The following CDH8 variants were observed in gnomAD, a reference collection of about 807,000 sequenced individuals.
CDH8 encodes cadherin 8.
Under a neutral mutation model 68.1 loss-of-function variants are expected in CDH8, and 17 were observed. The observed-to-expected ratio is 0.25, with a 90% CI of 0.17 to 0.37. The LOEUF is 0.37. CDH8 is among the 10% of genes least tolerant of loss of function. CDH8 has a pLI of 1.00. For missense variants in CDH8, 763 were observed against 999.3 expected, an observed-to-expected ratio of 0.76 and a Z score of 3.19; for synonymous variants, 372 against 365.1, an observed-to-expected ratio of 1.02 and a Z score of -0.21.
intron 8 of CDH8, among the ~76,000 whole-genome samples, chr16:61,735,484 C>A (rs1175335218): frequency 1.3e-5 from 2 of 152,004 alleles, no homozygotes; most frequent in Non-Finnish European, 2.9e-5. Context: ...TCGATAAATG[C>A]CTTTTGTCAT....
intron 7 of CDH8, among the ~76,000 whole-genome samples, chr16:61,794,110 T>A (rs893486122): frequency 4.6e-5 from 7 of 152,062 alleles, no homozygotes; most frequent in African/African-American, 1.7e-4. Context: ...AGCCAGAGAA[T>A]AAAAGCTTCC....
intron 2 of CDH8, among the ~76,000 whole-genome samples, chr16:61,988,710 G>A (rs1237848632): frequency 9.2e-5 from 14 of 152,166 alleles, no homozygotes; most frequent in Admixed American, 9.2e-4. Flanking sequence ...TTATAACACA[G>A]TTGGATGGGA....
At chr16:61,692,453 C>A (rs971280582) in intron 10 of CDH8, 1 of 152,106 alleles carries the variant, frequency 6.6e-6, no homozygotes, top group African/African-American at 2.4e-5. Flanking sequence ...TTTGCTGAGA[C>A]TGCTGGAGCT....
chr16:61,654,382 A>G (rs1038922379), intron 11 of CDH8, among the ~76,000 whole-genome samples: 1 of 152,176 alleles, frequency 6.6e-6, no homozygotes, highest in Non-Finnish European at 1.5e-5. Context: ...TTATGCTTTT[A>G]TGATCATTAG....
At chr16:62,011,927 C>T (rs932769457) in intron 2 of CDH8, among the ~76,000 whole-genome samples, 1 of 152,192 alleles carries the variant, frequency 6.6e-6, no homozygotes, top group Non-Finnish European at 1.5e-5. Flanking sequence ...GATTTTTGTG[C>T]ACAAGGCTGC....
chr16:61,876,021 C>T (rs1963452078), intron 3 of CDH8, among the ~76,000 whole-genome samples: 1 of 152,136 alleles, frequency 6.6e-6, no homozygotes, highest in Middle Eastern at 3.4e-3. Context: ...AGACTACAGG[C>T]ACCCGCCACC....
In CDH8 at chr16:61,768,398, T is replaced by TCTCTC. The variant is rs1960684849; in HGVS notation, c.1414+20947_1414+20948insGAGAG. Among the ~76,000 whole-genome samples, 31 of 35,218 alleles carry TCTCTC rather than the reference T, an allele frequency of 8.8e-4. 1 individual carries two copies. Among genetic ancestry groups the TCTCTC allele is most frequent in the Admixed American group, 1.1e-3 (3 of 2,676 alleles). The allele number at this position is 35,218 out of a possible 152,430, so 23.1% of individuals were successfully genotyped here. ...TCTCTCTCTCTCTCTCTCTCTCCCT[T>TCTCTC]TCTCTCTCTCTCTCTCTCTCTCTCT... is the stretch of plus-strand genomic sequence containing the variant. On this transcript the variant is annotated intron_variant, in intron 8 of 11. Coordinates refer to ENST00000577390, the MANE Select transcript of CDH8 (RefSeq NM_001796.5).
In CDH8 at chr16:61,821,237, A is replaced by T. The variant is rs374868582; in HGVS notation, c.836-124T>A. 131 of 599,244 alleles carry T rather than the reference A, an allele frequency of 2.2e-4. No homozygotes were observed. In the South Asian group the frequency reaches 3.7e-3, roughly 17 times the overall value. The allele number at this position is 599,244 out of a possible 1,614,324, so 37.1% of individuals were successfully genotyped here. ...TCCTATAGATGCTACCAATAAAGTG[A>T]TAGAAAAGACAGAAATATCCGTTTC... is the stretch of plus-strand genomic sequence containing the variant. On this transcript the variant is annotated intron_variant, in intron 5 of 11. Coordinates refer to ENST00000577390, the MANE Select transcript of CDH8 (RefSeq NM_001796.5).
chr16:61,877,998 T>A (rs898968314), intron 3 of CDH8, among the ~76,000 whole-genome samples: 1 of 152,184 alleles, frequency 6.6e-6, no homozygotes, highest in Non-Finnish European at 1.5e-5. Context: ...AAATCACTCC[T>A]GCAAATACCA....
At chr16:61,942,966 G>A (rs765852452) in intron 2 of CDH8, among the ~76,000 whole-genome samples, 55 of 152,232 alleles carry the variant, frequency 3.6e-4, no homozygotes, top group Non-Finnish European at 6.6e-4. Context: ...AAGCTTAGGT[G>A]GGAAGATCGC....
intron 2 of CDH8, among the ~76,000 whole-genome samples, chr16:61,983,022 A>G (rs71387005): frequency 6.6e-6 from 1 of 152,228 alleles, no homozygotes; most frequent in East Asian, 1.9e-4. Context: ...ACTAAATAAT[A>G]CAAATAATAC....
In CDH8 at chr16:61,649,542, T is replaced by C. The variant is rs963825902; in HGVS notation, c.*4066A>G. 6.6e-6 allele frequency: 1 copy of C among 151,966 alleles called. No individual in the cohort carries two copies. Among genetic ancestry groups the C allele is most frequent in the African/African-American group, 2.4e-5 (1 of 41,406 alleles). 9.4% of individuals were successfully genotyped at this position (151,966 alleles called of 1,614,324 possible). On this transcript the variant is annotated 3_prime_UTR_variant, in exon 12 of 12. Coordinates refer to ENST00000577390, the MANE Select transcript of CDH8 (RefSeq NM_001796.5). ...TAGTGATGCCCGCTGTTACCTTATC[T>C]TTTTGACTGACAATGATAGGATTTC...
chr16:61,657,756 TGTG>T (rs1245353620), intron 10 of CDH8, among the ~76,000 whole-genome samples: 1 of 152,114 alleles, frequency 6.6e-6, no homozygotes, highest in Non-Finnish European at 1.5e-5. Context: ...ATTGTCTTTT[TGTG>T]GTTGACATTT....
Position 61,652,516 on chromosome 16 carries a change from G to A in CDH8, c.*1092C>T. On this transcript the variant is annotated 3_prime_UTR_variant, in exon 12 of 12. Transcript: ENST00000577390. ...GTTTGTCTGGGAAGATGCTGTTCCT[G>A]CCATCTCCAGTTACAATAACACTTT... 1 of 1,011,114 alleles carries A rather than the reference G, an allele frequency of 9.9e-7. No individual in the cohort carries two copies. Among genetic ancestry groups the A allele is most frequent in the Non-Finnish European group, 1.2e-6 (1 of 847,202 alleles). The allele number at this position is 1,011,114 out of a possible 1,614,324, so 62.6% of individuals were successfully genotyped here.
intron 2 of CDH8, among the ~76,000 whole-genome samples, chr16:61,916,063 C>A (rs1166925162): frequency 6.6e-6 from 1 of 152,194 alleles, no homozygotes; most frequent in East Asian, 1.9e-4. Context: ...TATAATGGCA[C>A]TGATTCAGTA....
At chr16:61,906,052 A>T (rs1392247160) in intron 2 of CDH8, among the ~76,000 whole-genome samples, 3 of 152,170 alleles carry the variant, frequency 2.0e-5, no homozygotes, top group African/African-American at 7.2e-5. Flanking sequence ...AGGAAAAGAA[A>T]GGTAATAAGA....
At chr16:61,945,361 T>G (rs1173591841) in intron 2 of CDH8, among the ~76,000 whole-genome samples, 1 of 149,120 alleles carries the variant, frequency 6.7e-6, no homozygotes, top group African/African-American at 2.5e-5. Flanking sequence ...GAGAGACACA[T>G]GGTAGCTGGC....
intron 3 of CDH8, among the ~76,000 whole-genome samples, chr16:61,896,316 G>T (rs1963868499): frequency 6.6e-6 from 1 of 152,192 alleles, no homozygotes; most frequent in African/African-American, 2.4e-5. Flanking sequence ...TGTGCGTTTT[G>T]TCTTGACAGC....
At chr16:61,953,926 T>TATATATAA (rs1366207636) in intron 2 of CDH8, among the ~76,000 whole-genome samples, 167 of 118,946 alleles carry the variant, frequency 1.4e-3, no homozygotes, top group African/African-American at 5.1e-3. Context: ...TATATATATA[T>TATATATAA]AAAATACCTT....
Sources: gnomAD v4.1 joint callset for allele counts (sites outside exome capture counted in the v4.1 genomes callset) on GRCh38, gnomAD v4.1.1 for gene constraint, MANE v1.5 for transcripts, NCBI Gene and HGNC (gene_info 2026-07-23, HGNC 2026-07-21) for gene names.